SRGAP3: variants seen among roughly 807,000 people sequenced by gnomAD.
The protein encoded by SRGAP3 is SLIT-ROBO Rho GTPase-activating protein 3.
Under a neutral mutation model 121.1 loss-of-function variants are expected in SRGAP3, and 39 were observed. That is an observed-to-expected ratio of 0.32 (90% CI 0.25 to 0.42). The LOEUF (loss-of-function observed/expected upper bound fraction) is 0.42, where lower values mean the gene tolerates loss of function less well. Among genes scored for constraint, SRGAP3 ranks in the 10% least tolerant of loss-of-function variants. The pLI, the probability that SRGAP3 is intolerant of heterozygous loss-of-function variation, is 1.00. For synonymous variants in SRGAP3, 601 were observed against 570.0 expected, an observed-to-expected ratio of 1.05 and a Z score of -0.77; for missense variants, 1,213 against 1,470.6, an observed-to-expected ratio of 0.82 and a Z score of 2.86.
intron 3 of SRGAP3, among the ~76,000 whole-genome samples, chr3:9,289,828 C>T (rs1274343823): frequency 1.3e-5 from 2 of 152,208 alleles, no homozygotes; most frequent in East Asian, 3.9e-4. Context: ...CCAGTTCAGG[C>T]TGGGAATGGT....
At chr3:9,133,877 G>T (rs933479994) in intron 1 of SRGAP3, among the ~76,000 whole-genome samples, 25 of 152,326 alleles carry the variant, frequency 1.6e-4, no homozygotes, top group African/African-American at 6.0e-4. Flanking sequence ...TGGAGACGGG[G>T]AGTGGTAGGG....
intron 2 of SRGAP3, among the ~76,000 whole-genome samples, chr3:9,111,897 C>T (rs1292688802): frequency 6.6e-6 from 1 of 152,188 alleles, no homozygotes; most frequent in African/African-American, 2.4e-5. Flanking sequence ...TAAGACATCA[C>T]GTTAGAAATT....
intron 1 of SRGAP3, among the ~76,000 whole-genome samples, chr3:9,212,838 T>C (rs569039705): frequency 1.3e-5 from 2 of 152,340 alleles, no homozygotes; most frequent in African/African-American, 4.8e-5. Context: ...ACTCAATAAA[T>C]ATTTGCTAAA....
intron 1 of SRGAP3, chr3:9,217,954 G>T (rs938647855): frequency 1.3e-5 from 2 of 152,144 alleles, no homozygotes; most frequent in South Asian, 4.1e-4. Flanking sequence ...TCCGCAGCAG[G>T]GGGTACACTA....
chr3:9,053,581 G>A (rs1391840240), intron 8 of SRGAP3, among the ~76,000 whole-genome samples: 2 of 152,206 alleles, frequency 1.3e-5, no homozygotes, highest in Non-Finnish European at 2.9e-5. Context: ...AATGCAAGGT[G>A]GTCAGTTGAG....
chr3:9,121,806 G>A (rs1437318710), intron 2 of SRGAP3, among the ~76,000 whole-genome samples: 1 of 152,224 alleles, frequency 6.6e-6, no homozygotes, highest in African/African-American at 2.4e-5. Flanking sequence ...GGACAGGAGA[G>A]ATGCTCCAGC....
At chr3:9,221,475 T>C (rs1952810376) in intron 1 of SRGAP3, among the ~76,000 whole-genome samples, 1 of 152,162 alleles carries the variant, frequency 6.6e-6, no homozygotes, top group African/African-American at 2.4e-5. Flanking sequence ...AGTTCAAGAC[T>C]GCAGTGAGCT....
At chr3:9,167,268 A>C (rs1950821837) in intron 1 of SRGAP3, among the ~76,000 whole-genome samples, 1 of 151,874 alleles carries the variant, frequency 6.6e-6, no homozygotes, top group Admixed American at 6.6e-5. Context: ...CACTCTCCCC[A>C]CAATTCCAAT....
chr3:9,169,390 T>C (rs1950898429), intron 1 of SRGAP3, among the ~76,000 whole-genome samples: 1 of 152,040 alleles, frequency 6.6e-6, no homozygotes, highest in South Asian at 2.1e-4. Context: ...AGGACATGAG[T>C]GAGAAAACTG....
chr3:9,232,406 T>G (rs1357633655), intron 1 of SRGAP3, among the ~76,000 whole-genome samples: 1 of 152,154 alleles, frequency 6.6e-6, no homozygotes, highest in Non-Finnish European at 1.5e-5. Context: ...ACTACCACCC[T>G]ATTCCACCCC....
At chr3:9,018,652 G>A (rs928047478) in intron 14 of SRGAP3, among the ~76,000 whole-genome samples, 1 of 152,240 alleles carries the variant, frequency 6.6e-6, no homozygotes, top group Non-Finnish European at 1.5e-5. Context: ...TGCTAAAAAT[G>A]TATGATCGGA....
Position 9,026,961 on chromosome 3 carries a change from C to T in SRGAP3, c.1574G>A (p.Ser525Asn). The T allele has an allele frequency of 6.2e-7, 1 of 1,614,212 alleles. No homozygotes were observed. The highest frequency in any genetic ancestry group is 1.1e-5 in the South Asian group (1 of 91,084). Residue 525 changes from serine to asparagine, a missense_variant, in exon 13 of 22, where the codon AGC becomes AAC. By Grantham distance (46) the Ser-to-Asn change is conservative. This residue lies in a region of SRGAP3 where 793 missense variants were observed against 1,032.9 expected (regional missense o/e 0.77). Coordinates refer to ENST00000383836, the MANE Select transcript of SRGAP3 (RefSeq NM_014850.4). ...ATATAAATTGATGTAACGGATGCAG[C>T]TCTCGACTACAAGCGGTATAGCTTG... is the stretch of plus-strand genomic sequence containing the variant. ...SGQAIPLVVE[S>N]CIRYINLYGL...
rs578101990 is a variant in SRGAP3 at position 9,126,010 on chromosome 3, T to C, written c.68-1093A>G. ...GCCTAAATGTGTGCCCCGTCTGAAATGGTGGCCAGCGTCATTTCAGCATCC... is the reference window on the plus strand; with the variant it reads ...GCCTAAATGTGTGCCCCGTCTGAAACGGTGGCCAGCGTCATTTCAGCATCC... On this transcript the variant is annotated intron_variant, in intron 1 of 21. Transcript: ENST00000383836. 8.1e-4 allele frequency among the ~76,000 whole-genome samples: 124 copies of C among 152,310 alleles called. 4 individuals carry two copies. The South Asian group carries it at 0.025, about 30-fold the overall frequency.
At chr3:9,294,551 A>C (rs1954919630) in intron 3 of SRGAP3, among the ~76,000 whole-genome samples, 1 of 45,024 alleles carries the variant, frequency 2.2e-5, no homozygotes, top group Non-Finnish European at 7.0e-5. Flanking sequence ...ACAAACAAAC[A>C]AAAAAAAACA....
intron 2 of SRGAP3, among the ~76,000 whole-genome samples, chr3:9,123,485 T>C (rs1187945442): frequency 6.6e-6 from 1 of 151,912 alleles, no homozygotes; most frequent in Non-Finnish European, 1.5e-5. Context: ...AGCAGGTGGA[T>C]CACTTGATGT....
intron 1 of SRGAP3, among the ~76,000 whole-genome samples, chr3:9,238,013 T>A (rs987504978): frequency 5.3e-5 from 8 of 152,160 alleles, no homozygotes; most frequent in African/African-American, 1.9e-4. Context: ...CATTTTTGAT[T>A]GTCACAACTG....
chr3:9,296,985 A>G (rs1954963822), intron 3 of SRGAP3, among the ~76,000 whole-genome samples: 1 of 152,146 alleles, frequency 6.6e-6, no homozygotes, highest in Non-Finnish European at 1.5e-5. Flanking sequence ...CCCAGACTCA[A>G]GTGATCCTCC....
chr3:8,992,961 G>T lies in SRGAP3; in HGVS notation c.2503C>A (p.Leu835Ile). ...LDDKASSKND[L>I]QSPTEHISDY... ...GAGATGTGCTCCGTGGGGGACTGGA[G>T]GTCGTTTTTGGAAGAGGCCTTGTCA... Residue 835 changes from leucine to isoleucine, a missense_variant, in exon 20 of 22, where the codon CTC becomes ATC. Transcript: ENST00000383836. The T allele has an allele frequency of 6.2e-7, 1 of 1,614,222 alleles. No individual in the cohort carries two copies. The highest frequency in any genetic ancestry group is 8.5e-7 in the Non-Finnish European group (1 of 1,180,042).
rs1305223153 is a variant in SRGAP3 at position 9,014,328 on chromosome 3, G to A, written c.1814-486C>T. On this transcript the variant is annotated intron_variant, in intron 15 of 21. Coordinates refer to ENST00000383836, the MANE Select transcript of SRGAP3 (RefSeq NM_014850.4). ...TAAGCTGGGTTTCTGTTACTTATGAGTCCTGACAGACACAGGCAGGGACGA... is the reference window on the plus strand; with the variant it reads ...TAAGCTGGGTTTCTGTTACTTATGAATCCTGACAGACACAGGCAGGGACGA... 4.1e-5 allele frequency: 8 copies of A among 195,398 alleles called. No homozygotes were observed. The Admixed American group carries it at 4.2e-4, about 10-fold the overall frequency. 12.1% of individuals were successfully genotyped at this position (195,398 alleles called of 1,614,324 possible).
Sources: allele counts gnomAD v4.1 joint callset (sites outside exome capture counted in the v4.1 genomes callset), GRCh38; gene constraint gnomAD v4.1.1; regional missense constraint gnomAD v4.1.1; transcripts MANE v1.5; gene names NCBI Gene and HGNC (gene_info 2026-07-23, HGNC 2026-07-21).